CTNND2: variants seen among roughly 807,000 people sequenced by gnomAD.
CTNND2 encodes catenin delta 2, also known as catenin delta-2.
In CTNND2, 22 loss-of-function variants were observed where a neutral mutation model predicts 144.4. The observed-to-expected ratio is 0.15, with a 90% CI of 0.11 to 0.22. The LOEUF is 0.22. Ranked by LOEUF, CTNND2 falls within the 10% of genes least tolerant of loss-of-function variation. The pLI, the probability that CTNND2 is intolerant of heterozygous loss-of-function variation, is 1.00. For missense variants in CTNND2, 1,353 were observed against 1,618.8 expected (o/e 0.84, Z 2.82); for synonymous variants, 751 against 695.6 (o/e 1.08, Z -1.25).
Position 11,886,293 on chromosome 5 carries a change from G to T in CTNND2, c.37+17524C>A, listed in dbSNP as rs181572190. On this transcript the variant is annotated intron_variant, in intron 1 of 21. Coordinates refer to ENST00000304623, the MANE Select transcript of CTNND2 (RefSeq NM_001332.4). ...GACTAAACAAGATAAAAAGAGAGAAGAACCAAATAGTACTTTGTTTATCTG... is the reference window on the plus strand; with the variant it reads ...GACTAAACAAGATAAAAAGAGAGAATAACCAAATAGTACTTTGTTTATCTG... Among the ~76,000 whole-genome samples, 7 of 151,862 alleles carry T rather than the reference G, an allele frequency of 4.6e-5. No homozygotes were observed. The East Asian group carries it at 1.4e-3, about 29-fold the overall frequency.
intron 12 of CTNND2, among the ~76,000 whole-genome samples, chr5:11,135,614 C>A (rs1756057709): frequency 6.6e-6 from 1 of 152,206 alleles, no homozygotes; most frequent in Non-Finnish European, 1.5e-5. Flanking sequence ...CACAAATACT[C>A]ATCATGGAAT....
chr5:11,134,397 A>T (rs1755923169), intron 12 of CTNND2, among the ~76,000 whole-genome samples: 1 of 152,214 alleles, frequency 6.6e-6, no homozygotes. Context: ...AGAGGCTCCA[A>T]ACAGAGAAAC....
chr5:11,326,447 G>A (rs1401804961), intron 9 of CTNND2, among the ~76,000 whole-genome samples: 2 of 152,142 alleles, frequency 1.3e-5, no homozygotes, highest in African/African-American at 2.4e-5. Flanking sequence ...GGCCAAGTGA[G>A]TGTCTTGAAA....
chr5:11,798,361 C>G (rs544023815), intron 1 of CTNND2, among the ~76,000 whole-genome samples: 40 of 151,856 alleles, frequency 2.6e-4, no homozygotes, highest in Non-Finnish European at 5.2e-4. Context: ...TAGTGGGGAA[C>G]TATTTTCATG....
At chr5:11,103,183 T>G (rs1348300331) in intron 14 of CTNND2, among the ~76,000 whole-genome samples, 1 of 151,674 alleles carries the variant, frequency 6.6e-6, no homozygotes, top group Non-Finnish European at 1.5e-5. Context: ...GGTTTCGCCA[T>G]GTTGGCCTGG....
intron 16 of CTNND2, among the ~76,000 whole-genome samples, chr5:11,081,046 C>T (rs1475023494): frequency 6.8e-6 from 1 of 146,644 alleles, no homozygotes; most frequent in Admixed American, 6.9e-5. Flanking sequence ...CACTGCACTC[C>T]AGCCTGAGCA....
At chr5:11,831,451 G>A (rs796772535) in intron 1 of CTNND2, among the ~76,000 whole-genome samples, 7 of 151,966 alleles carry the variant, frequency 4.6e-5, no homozygotes, top group Non-Finnish European at 7.4e-5. Context: ...GGTAGATCAC[G>A]AGGTCAGGAG....
intron 3 of CTNND2, among the ~76,000 whole-genome samples, chr5:11,540,198 A>G (rs1774597382): frequency 6.6e-6 from 1 of 152,170 alleles, no homozygotes; most frequent in Non-Finnish European, 1.5e-5. Flanking sequence ...AATAAACGAC[A>G]TTCCAAGTGT....
intron 21 of CTNND2, among the ~76,000 whole-genome samples, chr5:10,979,916 A>T (rs61752674): frequency 0.091 from 13,936 of 152,336 alleles, 793 homozygotes; most frequent in Non-Finnish European, 0.13. Context: ...AGATGTATCA[A>T]AGACTTAAAC....
chr5:11,718,435 T>TA (rs1786476149), intron 2 of CTNND2, among the ~76,000 whole-genome samples: 2 of 152,084 alleles, frequency 1.3e-5, no homozygotes, highest in African/African-American at 4.8e-5. Context: ...TCACGGACAA[T>TA]AACTATTCTA....
At chr5:11,369,252 C>T (rs772572602) in intron 7 of CTNND2, among the ~76,000 whole-genome samples, 9 of 152,188 alleles carry the variant, frequency 5.9e-5, no homozygotes, top group Admixed American at 3.3e-4. Flanking sequence ...AAAAAGGTGA[C>T]ATCCTTTTTA....
intron 1 of CTNND2, among the ~76,000 whole-genome samples, chr5:11,749,908 A>C (rs1472816585): frequency 6.6e-6 from 1 of 152,024 alleles, no homozygotes; most frequent in Non-Finnish European, 1.5e-5. Flanking sequence ...TATTTCTCTT[A>C]ATGAGTGCAT....
rs1370989684 is a variant in CTNND2, at chr5:11,623,798, ATG to A, written c.175-58744_175-58743del. ...AGACCTAACTATCGTAAATATATAT[ATG>A]TGTGTATGTATATATATATATATAT... On this transcript the variant is annotated intron_variant, in intron 2 of 21. Coordinates refer to ENST00000304623, the MANE Select transcript of CTNND2 (RefSeq NM_001332.4). 3.6e-3 allele frequency among the ~76,000 whole-genome samples: 172 copies of A among 48,252 alleles called. 5 individuals carry two copies. The highest frequency in any genetic ancestry group is 0.014 in the African/African-American group (160 of 11,158). The allele number at this position is 48,252 out of a possible 152,430, so 31.7% of individuals were successfully genotyped here. A position where few individuals can be genotyped will look rare whatever the true frequency, so the allele number is the denominator to read the frequency against.
chr5:11,669,396 C>G (rs890825927), intron 2 of CTNND2, among the ~76,000 whole-genome samples: 6 of 152,094 alleles, frequency 3.9e-5, no homozygotes, highest in Admixed American at 3.9e-4. Flanking sequence ...TGGTCCTGGA[C>G]TTTTTGTGAT....
intron 1 of CTNND2, among the ~76,000 whole-genome samples, chr5:11,788,721 C>T (rs1227833765): frequency 2.0e-5 from 3 of 151,906 alleles, no homozygotes; most frequent in Middle Eastern, 3.4e-3. Flanking sequence ...GGTACATGTG[C>T]GCAATGTGCA....
intron 2 of CTNND2, among the ~76,000 whole-genome samples, chr5:11,636,031 C>CGCCCCCCCCG (rs70949331): frequency 1.4e-5 from 2 of 143,960 alleles, no homozygotes; most frequent in Non-Finnish European, 3.0e-5. Context: ...TTAATCCCCC[C>CGCCCCCCCCG]CCACCCCCGC....
At chr5:11,721,923 T>A (rs1327615343) in intron 2 of CTNND2, among the ~76,000 whole-genome samples, 2 of 152,190 alleles carry the variant, frequency 1.3e-5, no homozygotes, top group South Asian at 4.1e-4. Flanking sequence ...GAGGATCAGA[T>A]TCTCATCACA....
intron 12 of CTNND2, among the ~76,000 whole-genome samples, chr5:11,121,081 C>G (rs574823108): frequency 1.3e-5 from 2 of 152,328 alleles, no homozygotes; most frequent in African/African-American, 4.8e-5. Flanking sequence ...GTCATGTCAG[C>G]TTATGATTGA....
At chr5:11,053,013 C>T (rs1745999736) in intron 16 of CTNND2, among the ~76,000 whole-genome samples, 1 of 152,088 alleles carries the variant, frequency 6.6e-6, no homozygotes, top group Non-Finnish European at 1.5e-5. Context: ...TAGATTTAAT[C>T]AGTCTCTTAA....
Sources: allele counts gnomAD v4.1 joint callset (sites outside exome capture counted in the v4.1 genomes callset), GRCh38; gene constraint gnomAD v4.1.1; transcripts MANE v1.5; gene names NCBI Gene and HGNC (gene_info 2026-07-23, HGNC 2026-07-21).